The following EIF2AK1 variants were observed in gnomAD, a reference collection of about 807,000 sequenced individuals.
EIF2AK1 encodes eukaryotic translation initiation factor 2 alpha kinase 1.
In EIF2AK1, 54 loss-of-function variants were observed where a neutral mutation model predicts 77.9. The observed-to-expected ratio is 0.69, with a 90% CI of 0.56 to 0.87. The LOEUF is 0.87. EIF2AK1 is among the 40% of genes least tolerant of loss of function. The pLI is 0.00. For missense variants in EIF2AK1, 810 were observed against 768.6 expected (o/e 1.05, Z -0.64); for synonymous variants, 314 against 290.5 (o/e 1.08, Z -0.82).
Position 6,038,551 on chromosome 7 carries a change from G to A in EIF2AK1, c.1231+9C>T. On this transcript the variant is annotated intron_variant, in intron 10 of 14. Transcript: ENST00000199389. ...ATTTCCCGGCCCGGCAGACCCAGAT[G>A]GTACTCACAGGCAGACTCGTCCACA... The A allele has an allele frequency of 6.2e-7, 1 of 1,604,668 alleles. No homozygotes were observed. The highest frequency in any genetic ancestry group is 8.5e-7 in the Non-Finnish European group (1 of 1,174,572).
At chr7:6,024,982 G>A (rs1458755104) in intron 14 of EIF2AK1, among the ~76,000 whole-genome samples, 181 bp from the exon 15 acceptor site, 1 of 151,930 alleles carries the variant, frequency 6.6e-6, no homozygotes, top group Non-Finnish European at 1.5e-5. Flanking sequence ...GGGATTACAG[G>A]CGCTCTCATA....
intron 7 of EIF2AK1, among the ~76,000 whole-genome samples, 177 bp downstream of exon 7, chr7:6,044,385 G>A (rs1360965592): frequency 6.6e-6 from 1 of 151,982 alleles, no homozygotes; most frequent in Non-Finnish European, 1.5e-5. Context: ...GCAGAAGAAT[G>A]GTGTGAACCC....
At chr7:6,058,630 G>A (rs1007683774) in intron 1 of EIF2AK1, among the ~76,000 whole-genome samples, 4 of 152,214 alleles carry the variant, frequency 2.6e-5, no homozygotes, top group Admixed American at 6.5e-5. Flanking sequence ...AAAGAAGATC[G>A]TTCTCAACCA....
At position 6,050,002 on chromosome 7, in the gene EIF2AK1, G is replaced by C. The variant is rs372789678; in HGVS notation, c.321C>G (p.Phe107Leu). Reference sequence around the variant, plus strand: ...ATGAGCTAAACTCGTCACTACAAGTGAAAGAAGACAGCAGCCCCATTTTGA... The same window carrying C: ...ATGAGCTAAACTCGTCACTACAAGTCAAAGAAGACAGCAGCCCCATTTTGA... ...TFIKMGLLSS[F>L]TCSDEFSSLR... The change falls in exon 3 of 15, where the codon TTC (phenylalanine) becomes TTG (leucine). Residue 107 changes from phenylalanine (F) to leucine (L), a missense_variant. Coordinates refer to ENST00000199389, the MANE Select transcript of EIF2AK1 (RefSeq NM_014413.4). 1 of 1,612,894 alleles carries C rather than the reference G, an allele frequency of 6.2e-7. No homozygotes were observed. The highest frequency in any genetic ancestry group is 1.3e-5 in the African/African-American group (1 of 74,974).
chr7:6,056,613 A>AAT lies in EIF2AK1; in HGVS notation c.119-1911_119-1910dup, dbSNP rs71008353. ...CATCTCAAGGGAAAAAAAAAAAAAA[A>AAT]ATATATATATATATATATATATAAA... On this transcript the variant is annotated intron_variant, in intron 1 of 14. Coordinates refer to ENST00000199389, the MANE Select transcript of EIF2AK1 (RefSeq NM_014413.4). Among the ~76,000 whole-genome samples, 302 of 43,708 alleles carry AAT rather than the reference A, an allele frequency of 6.9e-3. 10 individuals are homozygous for AAT. The highest frequency in any genetic ancestry group is 0.01 in the Admixed American group (44 of 4,242). 28.7% of individuals were successfully genotyped at this position (43,708 alleles called of 152,430 possible).
At position 6,035,594 on chromosome 7, in the gene EIF2AK1, C is replaced by T. The variant is rs145095676; in HGVS notation, c.1332+1830G>A. On this transcript the variant is annotated intron_variant, in intron 11 of 14. Coordinates refer to ENST00000199389, the MANE Select transcript of EIF2AK1 (RefSeq NM_014413.4). This position sits in a 1 kb window ranked among gnomAD's most constrained non-coding sequence, Gnocchi z 5.5. ...CATGTCTCCGCATCTTGTGTGCGCA[C>T]GGAGCTCAAGTGAACACTCAAGGGG... is the stretch of plus-strand genomic sequence containing the variant. The T allele has an allele frequency of 1.5e-5, 24 of 1,551,024 alleles. No individual in the cohort carries two copies. In the Middle Eastern group the frequency reaches 5.0e-4, roughly 32 times the overall value.
chr7:6,027,823 G>C lies in EIF2AK1; in HGVS notation c.1530+792C>G, dbSNP rs886459026. ...GTTCATGCCTTAATCCCAGCACTTTGGGAGGCCAAGGGAGGAGAATCATTT... is the reference window on the plus strand; with the variant it reads ...GTTCATGCCTTAATCCCAGCACTTTCGGAGGCCAAGGGAGGAGAATCATTT... On this transcript the variant is annotated intron_variant, in intron 13 of 14. Coordinates refer to ENST00000199389, the MANE Select transcript of EIF2AK1 (RefSeq NM_014413.4). This position sits in a 1 kb window ranked among gnomAD's most constrained non-coding sequence, Gnocchi z 4.5. 4 of 346,818 alleles carry C rather than the reference G, an allele frequency of 1.2e-5. No individual in the cohort carries two copies. The highest frequency in any genetic ancestry group is 8.8e-5 in the African/African-American group (4 of 45,290). 21.5% of individuals were successfully genotyped at this position (346,818 alleles called of 1,614,324 possible).
chr7:6,023,860 G>C lies in EIF2AK1; in HGVS notation c.*813C>G. The C allele has an allele frequency of 6.5e-7, 1 of 1,544,068 alleles. No individual in the cohort carries two copies. The highest frequency in any genetic ancestry group is 8.7e-7 in the Non-Finnish European group (1 of 1,144,380). ...TGGTTTTCATTTTATTTAAAATTCA[G>C]CAAAATCATACGCCATCTACCGTGA... On this transcript the variant is annotated 3_prime_UTR_variant, in exon 15 of 15. Coordinates refer to ENST00000199389, the MANE Select transcript of EIF2AK1 (RefSeq NM_014413.4).
chr7:6,031,588 C>CCTCTTTTCTGCT (rs1186048069), intron 11 of EIF2AK1: 2 of 1,550,656 alleles, frequency 1.3e-6, no homozygotes, highest in South Asian at 2.4e-5. Flanking sequence ...TACTTCTGAC[C>CCTCTTTTCTGCT]CAGGTACCCT....
chr7:6,041,064 G>A lies in EIF2AK1; in HGVS notation c.947C>T (p.Ser316Phe). ...KYTTNLVIRE[S>F]GELESTLELQ... The stretch of plus-strand genomic sequence containing the variant: ...CTCCAGGGTCGACTCAAGTTCACCA[G>A]ATTCTCTTATGACTAAATTGGTGGT... Residue 316 changes from serine (S) to phenylalanine (F), a missense_variant, in exon 9 of 15, where the codon TCT becomes TTT. Transcript: ENST00000199389. 1 of 1,614,122 alleles carries A rather than the reference G, an allele frequency of 6.2e-7. No individual in the cohort carries two copies.
chr7:6,048,724 A>T, intron 4 of EIF2AK1, 83 bp downstream of exon 4: 1 of 1,123,442 alleles, frequency 8.9e-7, no homozygotes, highest in Non-Finnish European at 1.3e-6. Flanking sequence ...TAACAATATT[A>T]TGTTTTAACC....
At chr7:6,050,727 T>G (rs1304961103) in intron 2 of EIF2AK1, among the ~76,000 whole-genome samples, 1 of 150,896 alleles carries the variant, frequency 6.6e-6, no homozygotes, top group Non-Finnish European at 1.5e-5. Flanking sequence ...CTCAGCCTCC[T>G]GAGTAGCTGC....
At position 6,023,472 on chromosome 7, in the gene EIF2AK1, C is replaced by T. The variant is rs759399018; in HGVS notation, c.*1201G>A. ...CGATTTTTCAGTTAAAAGAGGGAAG[C>T]AGTAAAGAAAAAGCCGCTGTTTTCC... On this transcript the variant is annotated 3_prime_UTR_variant, in exon 15 of 15. Coordinates refer to ENST00000199389, the MANE Select transcript of EIF2AK1 (RefSeq NM_014413.4). 1.1e-5 allele frequency: 18 copies of T among 1,614,072 alleles called. No individual in the cohort carries two copies. The highest frequency in any genetic ancestry group is 6.7e-5 in the Admixed American group (4 of 60,004).
At chr7:6,045,733 T>TTATA (rs57579824) in intron 6 of EIF2AK1, among the ~76,000 whole-genome samples, 1,546 of 138,012 alleles carry the variant, frequency 0.011, 36 homozygotes, top group African/African-American at 0.033. Context: ...ATTTTAAAAA[T>TTATA]TATATATATA....
In EIF2AK1 at chr7:6,024,108, C is replaced by T. The variant is rs1437825350; in HGVS notation, c.*565G>A. ...TTGCAAGGGTGTGGTTTTGGAATGA[C>T]GCTAAACTGAAGGTGGAGAGAACAG... On this transcript the variant is annotated 3_prime_UTR_variant, in exon 15 of 15. Transcript: ENST00000199389. 16 of 1,297,168 alleles carry T rather than the reference C, an allele frequency of 1.2e-5. 1 individual carries two copies. Among genetic ancestry groups the T allele is most frequent in the Middle Eastern group, 2.1e-4 (1 of 4,752 alleles). 80.4% of individuals were successfully genotyped at this position (1,297,168 alleles called of 1,614,324 possible). A position where few individuals can be genotyped will look rare whatever the true frequency, so the allele number is the denominator to read the frequency against.
intron 2 of EIF2AK1, among the ~76,000 whole-genome samples, chr7:6,051,269 CTTTCTT>C (rs1788601158): frequency 6.9e-6 from 1 of 145,718 alleles, no homozygotes. Flanking sequence ...ATTTTTTTTT[CTTTCTT>C]TTTTTTTTTT....
rs755272250 is a variant in EIF2AK1, at chr7:6,032,917, G to A, written c.1333-3885C>T. ...GAGTCTGCTCTGCCTGTTACGGCACGGTGCTGACCCAGAAGTCAGGTAAGT... is the reference window on the plus strand; with the variant it reads ...GAGTCTGCTCTGCCTGTTACGGCACAGTGCTGACCCAGAAGTCAGGTAAGT... On this transcript the variant is annotated intron_variant, in intron 11 of 14. Transcript: ENST00000199389. The surrounding 1 kb of genome is among the most constrained non-coding windows in gnomAD (Gnocchi z 4.3). 1.9e-5 allele frequency: 29 copies of A among 1,550,502 alleles called. No individual in the cohort carries two copies. Among genetic ancestry groups the A allele is most frequent in the Middle Eastern group, 1.7e-4 (1 of 6,016 alleles).
intron 1 of EIF2AK1, chr7:6,057,705 T>A (rs533575): frequency 0.68 from 104,132 of 154,134 alleles, 35,459 homozygotes; most frequent in East Asian, 0.85. Flanking sequence ...TCGGCTCACT[T>A]CAACCTCTGC....
chr7:6,057,309 C>T (rs896348067), intron 1 of EIF2AK1, among the ~76,000 whole-genome samples: 1 of 151,676 alleles, frequency 6.6e-6, no homozygotes, highest in African/African-American at 2.4e-5. Flanking sequence ...TGTATTAATT[C>T]CATTTGAATC....
Sources: gnomAD v4.1 joint callset for allele counts (sites outside exome capture counted in the v4.1 genomes callset) on GRCh38, gnomAD v4.1.1 for gene constraint, Gnocchi (gnomAD v3.1) non-coding constraint, MANE v1.5 for transcripts, NCBI Gene and HGNC (gene_info 2026-07-23, HGNC 2026-07-21) for gene names.